The following KCNT1 variants were observed in gnomAD, a reference collection of about 807,000 sequenced individuals.
KCNT1 encodes the protein potassium channel subfamily T member 1.
KCNT1 carries 78 observed loss-of-function variants against 147.8 expected under a neutral mutation model. The observed-to-expected ratio is 0.53, with a 90% CI of 0.44 to 0.64. The LOEUF (loss-of-function observed/expected upper bound fraction) is 0.64, where lower values mean the gene tolerates loss of function less well. KCNT1 is among the 30% of genes least tolerant of loss of function. The probability of loss-of-function intolerance (pLI) is 0.00; values close to 1 mark genes in which losing one functional copy is unlikely to be tolerated. For synonymous variants in KCNT1, 867 were observed against 748.8 expected (o/e 1.16, Z -2.58); for missense variants, 1,419 against 1,750.3 (o/e 0.81, Z 3.38).
Position 135,786,425 on chromosome 9 carries a change from C to G in KCNT1, c.3406C>G (p.Gln1136Glu), listed in dbSNP as rs755751357. ...RAAAAEWISQQRLSLYRRSER... is the reference protein window; with the variant it reads ...RAAAAEWISQERLSLYRRSER... Reference sequence around the variant, plus strand: ...GGCGGCCGCGGAGTGGATCAGCCAGCAGCGCCTCAGCCTGTACCGGCGCTC... The same window carrying G: ...GGCGGCCGCGGAGTGGATCAGCCAGGAGCGCCTCAGCCTGTACCGGCGCTC... Residue 1136 changes from glutamine (Q) to glutamate (E), a missense_variant, in exon 29 of 31, where the codon CAG becomes GAG. By Grantham distance (29) the Gln-to-Glu change is conservative. Coordinates refer to ENST00000371757, the MANE Select transcript of KCNT1 (RefSeq NM_020822.3). 1.3e-6 allele frequency: 2 copies of G among 1,589,758 alleles called. No homozygotes were observed. The highest frequency in any genetic ancestry group is 2.3e-5 in the South Asian group (2 of 88,412).
At chr9:135,724,904 T>C (rs1293848152) in intron 2 of KCNT1, among the ~76,000 whole-genome samples, 1 of 152,208 alleles carries the variant, frequency 6.6e-6, no homozygotes, top group Non-Finnish European at 1.5e-5. Flanking sequence ...AGGATGACCC[T>C]GAACCTTCCC....
At chr9:135,785,762 C>T (rs1228609081) in intron 28 of KCNT1, 3 of 439,166 alleles carry the variant, frequency 6.8e-6, no homozygotes, top group African/African-American at 4.0e-5. Context: ...TCGGGGCCTC[C>T]AAAGGGTGTG....
intron 29 of KCNT1, chr9:135,790,019 C>T (rs1383171308): frequency 6.7e-6 from 1 of 149,598 alleles, no homozygotes; most frequent in African/African-American, 2.4e-5. Context: ...CCCCAAGAAA[C>T]ACAAAGCCCA....
intron 24 of KCNT1, among the ~76,000 whole-genome samples, chr9:135,779,779 G>C (rs189013619): frequency 1.3e-5 from 2 of 152,256 alleles, no homozygotes; most frequent in Non-Finnish European, 2.9e-5. Flanking sequence ...CATCTGTCCT[G>C]GCATGGTCAG....
intron 2 of KCNT1, among the ~76,000 whole-genome samples, chr9:135,719,556 G>A (rs1018207574): frequency 1.3e-5 from 2 of 152,114 alleles, no homozygotes; most frequent in Non-Finnish European, 2.9e-5. Context: ...GCCACCCCCC[G>A]CCATGCTGCA....
At chr9:135,711,545 C>T (rs1433848176) in intron 1 of KCNT1, among the ~76,000 whole-genome samples, 2 of 152,262 alleles carry the variant, frequency 1.3e-5, no homozygotes, top group Non-Finnish European at 2.9e-5. Flanking sequence ...GCCTGGCGTG[C>T]AGCTGGCTCT....
chr9:135,770,584 T>G (rs1832684129), intron 17 of KCNT1, 137 bp downstream of exon 17: 1 of 1,183,492 alleles, frequency 8.4e-7, no homozygotes, highest in African/African-American at 1.6e-5. Context: ...CAGGTCATCC[T>G]GCCTGGCGAG....
intron 6 of KCNT1, among the ~76,000 whole-genome samples, chr9:135,756,282 CTCTG>C (rs1394864602): frequency 6.6e-6 from 1 of 152,142 alleles, no homozygotes; most frequent in Non-Finnish European, 1.5e-5. Context: ...TCCTGACCCC[CTCTG>C]TCTGCTTCAC....
chr9:135,703,573 C>T (rs553875965), intron 1 of KCNT1, among the ~76,000 whole-genome samples: 2 of 152,178 alleles, frequency 1.3e-5, no homozygotes, highest in Non-Finnish European at 2.9e-5. Context: ...GAAGTGGGCA[C>T]AGCCTGGACG....
chr9:135,778,588 T>TG, intron 22 of KCNT1, 93 bp downstream of exon 22: 3 of 1,599,350 alleles, frequency 1.9e-6, no homozygotes, highest in South Asian at 1.1e-5. Context: ...GCAGGTGGGG[T>TG]GGGGGGCTGA....
Position 135,759,734 on chromosome 9 carries a change from T to A in KCNT1, c.910T>A (p.Ser304Thr). The change falls in exon 11 of 31, where the codon TCC (serine) becomes ACC (threonine). Residue 304 changes from serine (S) to threonine (T), a missense_variant. By Grantham distance (58) the Ser-to-Thr change is moderately conservative (BLOSUM62 1). This residue lies in a region of KCNT1 where 401 missense variants were observed against 610.6 expected (regional missense o/e 0.66). Coordinates refer to ENST00000371757, the MANE Select transcript of KCNT1 (RefSeq NM_020822.3). ...RAGENLSLLT[S>T]FYFCIVTFST... ...GGGCGAGAACCTGTCCCTCCTGACC[T>A]CCTTCTACTTCTGCATCGTCACCTT... The A allele has an allele frequency of 3.1e-6, 5 of 1,613,460 alleles. No homozygotes were observed. Among genetic ancestry groups the A allele is most frequent in the Non-Finnish European group, 4.2e-6 (5 of 1,179,782 alleles).
At chr9:135,756,416 C>G (rs779866315) in intron 6 of KCNT1, among the ~76,000 whole-genome samples, 1 of 152,138 alleles carries the variant, frequency 6.6e-6, no homozygotes, top group Non-Finnish European at 1.5e-5. Flanking sequence ...TGACTGGGTC[C>G]CATGTCTCCA....
chr9:135,771,137 T>C lies in KCNT1; in HGVS notation c.2008+42T>C, dbSNP rs770884784. On this transcript the variant is annotated intron_variant, in intron 18 of 30. Transcript: ENST00000371757. The stretch of plus-strand genomic sequence containing the variant: ...GCGCGGGACTCCCTGGGCCTGCTCC[T>C]TTGGCGGGAGACCAGGCGGGACACC... 13 of 1,553,842 alleles carry C rather than the reference T, an allele frequency of 8.4e-6. No homozygotes were observed. The African/African-American group carries it at 1.6e-4, about 19-fold the overall frequency.
chr9:135,770,851 G>C lies in KCNT1; in HGVS notation c.1770-6G>C. On this transcript the variant is annotated splice_region_variant and splice_polypyrimidine_tract_variant and intron_variant, in intron 17 of 30. Transcript: ENST00000371757. Reference sequence around the variant, plus strand: ...GGTACCTGAAGTTGCCGGTGCCTCTGCCCAGGTATGGCGTGTGCCTCATCG... The same window carrying C: ...GGTACCTGAAGTTGCCGGTGCCTCTCCCCAGGTATGGCGTGTGCCTCATCG... 1 of 1,561,882 alleles carries C rather than the reference G, an allele frequency of 6.4e-7. No individual in the cohort carries two copies. Among genetic ancestry groups the C allele is most frequent in the South Asian group, 1.2e-5 (1 of 85,334 alleles).
At chr9:135,779,557 C>T in intron 24 of KCNT1, 87 bp downstream of exon 24, 1 of 1,020,804 alleles carries the variant, frequency 9.8e-7, no homozygotes, top group South Asian at 1.3e-5. Context: ...GGGCCAGTGC[C>T]ATGGGAGGCT....
intron 21 of KCNT1, 68 bp downstream of exon 21, chr9:135,777,578 CAA>C: frequency 2.7e-6 from 4 of 1,469,466 alleles, no homozygotes; most frequent in Non-Finnish European, 2.8e-6. Context: ...GCAGCCTCCC[CAA>C]CTGGGCCCAC....
intron 2 of KCNT1, among the ~76,000 whole-genome samples, chr9:135,744,988 G>C (rs1007999271): frequency 2.0e-5 from 3 of 152,202 alleles, no homozygotes; most frequent in Non-Finnish European, 4.4e-5. Context: ...CCTGTGGCGA[G>C]TGTGTGGCTG....
At chr9:135,772,243 C>T (rs1331990633) in intron 18 of KCNT1, among the ~76,000 whole-genome samples, 3 of 152,210 alleles carry the variant, frequency 2.0e-5, no homozygotes, top group African/African-American at 7.2e-5. Context: ...CCACAGAGGC[C>T]CTGGGCCATA....
In KCNT1 at chr9:135,765,633, G is replaced by A. The variant is rs368174673; in HGVS notation, c.1210G>A (p.Val404Met). ...YAHPRLQDYY[V>M]VILCPTEMDV... Reference sequence around the variant, plus strand: ...TCCGCCTGGCCGGCAGGACTATTACGTGGTCATCCTGTGCCCCACGGAGAT... The same window carrying A: ...TCCGCCTGGCCGGCAGGACTATTACATGGTCATCCTGTGCCCCACGGAGAT... Residue 404 changes from valine to methionine, a missense_variant, in exon 13 of 31, where the codon GTG becomes ATG. By Grantham distance (21) the Val-to-Met change is conservative. Transcript: ENST00000371757. 17 of 1,610,168 alleles carry A rather than the reference G, an allele frequency of 1.1e-5. No individual in the cohort carries two copies. Among genetic ancestry groups the A allele is most frequent in the Admixed American group, 3.3e-5 (2 of 59,904 alleles).
Sources: gnomAD v4.1 joint callset for allele counts (sites outside exome capture counted in the v4.1 genomes callset) on GRCh38, gnomAD v4.1.1 for gene constraint, gnomAD v4.1.1 regional missense constraint, MANE v1.5 for transcripts, NCBI Gene and HGNC (gene_info 2026-07-23, HGNC 2026-07-21) for gene names.